The following STX6 variants were observed in gnomAD, a reference collection of about 807,000 sequenced individuals.
STX6 encodes the protein syntaxin 6.
STX6 carries 23 observed loss-of-function variants against 38.0 expected under a neutral mutation model. The ratio of observed to expected loss-of-function variants is 0.60; its 90% CI spans 0.43 to 0.86. The LOEUF is 0.86. STX6 is among the 40% of genes least tolerant of loss of function. STX6 has a pLI of 0.00. For synonymous variants in STX6, 123 were observed against 107.5 expected (o/e 1.14, Z -0.89); for missense variants, 274 against 312.9 (o/e 0.88, Z 0.94).
intron 1 of STX6, among the ~76,000 whole-genome samples, chr1:181,014,453 C>G (rs968498808): frequency 3.3e-5 from 5 of 151,976 alleles, no homozygotes; most frequent in African/African-American, 7.3e-5. Context: ...TTTATTGGTG[C>G]AGCCATCAAT....
intron 3 of STX6, among the ~76,000 whole-genome samples, chr1:181,002,140 A>T (rs1168551773): frequency 6.6e-6 from 1 of 152,186 alleles, no homozygotes; most frequent in Non-Finnish European, 1.5e-5. Context: ...CTTGTGTCAA[A>T]AAAAGAAAGA....
At chr1:181,010,004 C>T (rs1455289824) in intron 1 of STX6, among the ~76,000 whole-genome samples, 1 of 152,154 alleles carries the variant, frequency 6.6e-6, no homozygotes, top group Non-Finnish European at 1.5e-5. Flanking sequence ...ATTTCACTGA[C>T]ATAACATTCC....
In STX6 at chr1:180,974,682, T is replaced by C. The variant is rs1655202036; in HGVS notation, c.*1888A>G. The C allele has an allele frequency of 6.5e-6, 1 of 152,676 alleles. No homozygotes were observed. Among genetic ancestry groups the C allele is most frequent in the Non-Finnish European group, 1.5e-5 (1 of 68,054 alleles). The allele number at this position is 152,676 out of a possible 1,614,324, so 9.5% of individuals were successfully genotyped here. Reference sequence around the variant, plus strand: ...TCACATTTACTTTAAAAGACTTCTATATTTTAATGCAAATCTAAGGATCAT... The same window carrying C: ...TCACATTTACTTTAAAAGACTTCTACATTTTAATGCAAATCTAAGGATCAT... On this transcript the variant is annotated 3_prime_UTR_variant, in exon 8 of 8. Coordinates refer to ENST00000258301, the MANE Select transcript of STX6 (RefSeq NM_005819.6).
chr1:181,017,188 C>T (rs977988701), intron 1 of STX6, among the ~76,000 whole-genome samples: 28 of 151,864 alleles, frequency 1.8e-4, no homozygotes, highest in African/African-American at 6.5e-4. Flanking sequence ...AGATCGAGAC[C>T]ATCCTGGCTA....
At chr1:181,012,800 G>C (rs1656444379) in intron 1 of STX6, among the ~76,000 whole-genome samples, 2 of 150,514 alleles carry the variant, frequency 1.3e-5, no homozygotes, top group Non-Finnish European at 2.9e-5. Context: ...TCAGCCTCCT[G>C]AGTAGCTGGG....
intron 6 of STX6, among the ~76,000 whole-genome samples, chr1:180,985,151 AAAAC>A (rs903890239): frequency 6.6e-6 from 1 of 152,202 alleles, no homozygotes; most frequent in Non-Finnish European, 1.5e-5. Flanking sequence ...AAAGAAAAAA[AAAAC>A]AACGAGATTT....
At chr1:181,020,929 C>T (rs992250596) in intron 1 of STX6, among the ~76,000 whole-genome samples, 1 of 152,178 alleles carries the variant, frequency 6.6e-6, no homozygotes, top group African/African-American at 2.4e-5. Flanking sequence ...TCTGGATACA[C>T]CTTCATGGGT....
Position 180,975,630 on chromosome 1 carries a change from G to C in STX6, c.*940C>G, listed in dbSNP as rs1285792066. On this transcript the variant is annotated 3_prime_UTR_variant, in exon 8 of 8. Coordinates refer to ENST00000258301, the MANE Select transcript of STX6 (RefSeq NM_005819.6). ...ACTCCCAACCCCAACCCCCAGTGTA[G>C]AGTGCCCTAAGAGTAAAAGAACTGT... The C allele has an allele frequency of 6.6e-6, 1 of 152,266 alleles. No homozygotes were observed. Among genetic ancestry groups the C allele is most frequent in the Non-Finnish European group, 1.5e-5 (1 of 68,056 alleles). 9.4% of individuals were successfully genotyped at this position (152,266 alleles called of 1,614,324 possible).
At chr1:181,018,075 G>C (rs902160784) in intron 1 of STX6, among the ~76,000 whole-genome samples, 2 of 152,024 alleles carry the variant, frequency 1.3e-5, no homozygotes, top group African/African-American at 4.8e-5. Context: ...AGGATATAAA[G>C]AAATACAGAT....
intron 3 of STX6, among the ~76,000 whole-genome samples, chr1:180,999,878 C>T (rs1477597551): frequency 6.6e-6 from 1 of 152,200 alleles, no homozygotes; most frequent in East Asian, 1.9e-4. Flanking sequence ...AATCTGCTAA[C>T]CCTCTGCTCC....
chr1:181,015,825 A>G (rs1018397725), intron 1 of STX6, among the ~76,000 whole-genome samples: 1 of 152,062 alleles, frequency 6.6e-6, no homozygotes. Flanking sequence ...ACACCCAGCT[A>G]ATTTTTTGTA....
chr1:181,014,347 T>C (rs944246690), intron 1 of STX6, among the ~76,000 whole-genome samples: 8 of 150,358 alleles, frequency 5.3e-5, no homozygotes, highest in African/African-American at 1.7e-4. Flanking sequence ...TAAGCCGAGA[T>C]TGCACCACTG....
At chr1:181,018,987 C>G (rs1429259562) in intron 1 of STX6, among the ~76,000 whole-genome samples, 6 of 152,256 alleles carry the variant, frequency 3.9e-5, no homozygotes, top group Non-Finnish European at 7.4e-5. Flanking sequence ...CTGTGTGACC[C>G]TAGGCAAGTA....
Position 180,973,499 on chromosome 1 carries a change from G to A in STX6, c.*3071C>T, listed in dbSNP as rs994181761. ...TTCTTTTCACAGCCCTTAATCTCAC[G>A]AGGTGAGAAGGAGTGGAAGTTGCCA... On this transcript the variant is annotated 3_prime_UTR_variant, in exon 8 of 8. Coordinates refer to ENST00000258301, the MANE Select transcript of STX6 (RefSeq NM_005819.6). The A allele has an allele frequency of 1.3e-5, 2 of 152,606 alleles. No homozygotes were observed. Among genetic ancestry groups the A allele is most frequent in the Non-Finnish European group, 2.9e-5 (2 of 68,026 alleles). 9.5% of individuals were successfully genotyped at this position (152,606 alleles called of 1,614,324 possible). A position where few individuals can be genotyped will look rare whatever the true frequency, so the allele number is the denominator to read the frequency against.
intron 1 of STX6, among the ~76,000 whole-genome samples, chr1:181,016,728 T>C (rs1656564732): frequency 6.6e-6 from 1 of 152,160 alleles, no homozygotes; most frequent in Non-Finnish European, 1.5e-5. Flanking sequence ...ACATATACCA[T>C]CTTACTCATC....
At chr1:181,010,631 C>CTCTTTTTTT (rs1246034525) in intron 1 of STX6, among the ~76,000 whole-genome samples, 3 of 152,018 alleles carry the variant, frequency 2.0e-5, no homozygotes, top group Non-Finnish European at 4.4e-5. Flanking sequence ...GGGAATATGA[C>CTCTTTTTTT]TCTTTTTTTT....
chr1:181,013,246 G>A (rs1225875388), intron 1 of STX6, among the ~76,000 whole-genome samples: 1 of 152,096 alleles, frequency 6.6e-6, no homozygotes, highest in Admixed American at 6.5e-5. Flanking sequence ...CAGCCATTAG[G>A]GAGCTTTGTT....
chr1:181,001,031 C>T (rs780952489), intron 3 of STX6, among the ~76,000 whole-genome samples: 3 of 152,152 alleles, frequency 2.0e-5, no homozygotes, highest in Non-Finnish European at 2.9e-5. Context: ...GTGGATGGGG[C>T]ATCTGAGGTC....
chr1:180,979,767 T>C lies in STX6; in HGVS notation c.692-3121A>G, dbSNP rs138500934. ...AAAGAATGAGAAGACAAGCCACAGATTGGGGTAGAATATTTGCAAAAGATT... is the reference window on the plus strand; with the variant it reads ...AAAGAATGAGAAGACAAGCCACAGACTGGGGTAGAATATTTGCAAAAGATT... On this transcript the variant is annotated intron_variant, in intron 7 of 7. Transcript: ENST00000258301. Among the ~76,000 whole-genome samples, 25 of 152,250 alleles carry C rather than the reference T, an allele frequency of 1.6e-4. No homozygotes were observed. The East Asian group carries it at 3.3e-3, about 20-fold the overall frequency.
Sources: gnomAD v4.1 joint callset for allele counts (sites outside exome capture counted in the v4.1 genomes callset) on GRCh38, gnomAD v4.1.1 for gene constraint, MANE v1.5 for transcripts, NCBI Gene and HGNC (gene_info 2026-07-23, HGNC 2026-07-21) for gene names.